Variants in IGSF5 observed in about 807,000 individuals in gnomAD.
IGSF5 encodes immunoglobulin superfamily member 5.
IGSF5 carries 41 observed loss-of-function variants against 39.4 expected under a neutral mutation model. The ratio of observed to expected loss-of-function variants is 1.04; its 90% CI spans 0.81 to 1.35. IGSF5 has a LOEUF of 1.35. Ranked by LOEUF, IGSF5 falls within the 40% of genes most tolerant of loss-of-function variation. The pLI is 0.00. For missense variants in IGSF5, 487 were observed against 494.6 expected (o/e 0.98, Z 0.15); for synonymous variants, 183 against 175.3 (o/e 1.04, Z -0.34).
At chr21:39,746,926 G>T (rs912108066) in intron 2 of IGSF5, among the ~76,000 whole-genome samples, 1 of 152,220 alleles carries the variant, frequency 6.6e-6, no homozygotes, top group Non-Finnish European at 1.5e-5. Flanking sequence ...TCAGGCTGCT[G>T]GTGAGGGTCT....
chr21:39,751,977 G>A (rs1182328917), intron 2 of IGSF5, among the ~76,000 whole-genome samples: 1 of 152,094 alleles, frequency 6.6e-6, no homozygotes, highest in Non-Finnish European at 1.5e-5. Flanking sequence ...TTAGTCCCTT[G>A]CGTGGTTTTT....
At chr21:39,798,291 A>G (rs464201) in intron 8 of IGSF5, among the ~76,000 whole-genome samples, 105,581 of 152,132 alleles carry the variant, frequency 0.69, 38,931 homozygotes, top group Non-Finnish European at 0.81. Flanking sequence ...TTCACCCTGC[A>G]CGATGGGTAC....
intron 7 of IGSF5, 102 bp from the exon 8 acceptor site, chr21:39,793,432 T>G: frequency 1.2e-6 from 1 of 825,700 alleles, no homozygotes; most frequent in South Asian, 1.6e-5. Context: ...ATGCCAGCGG[T>G]ACTACATAAA....
rs566674552 is a variant in IGSF5 at position 39,776,985 on chromosome 21, A to G, written c.719-2105A>G. Among the ~76,000 whole-genome samples, 5 of 152,356 alleles carry G rather than the reference A, an allele frequency of 3.3e-5. No homozygotes were observed. The East Asian group carries it at 9.6e-4, about 29-fold the overall frequency. On this transcript the variant is annotated intron_variant, in intron 4 of 8. Transcript: ENST00000380588. The stretch of plus-strand genomic sequence containing the variant: ...CTTGAGCCTGTGCACTGTAGCTTAC[A>G]GCATTCTCAGAACTTTCACACACAC...
chr21:39,721,292 C>T, the IGSF5 span, among the ~76,000 whole-genome samples: 11 of 152,182 alleles, frequency 7.2e-5, no homozygotes, highest in African/African-American at 2.2e-4. Context: ...ATAATACCCA[C>T]CTCTTATCAT....
chr21:39,745,157 ATCTCTC>A (rs35473597), upstream of IGSF5, among the ~76,000 whole-genome samples: 4 of 145,740 alleles, frequency 2.7e-5, no homozygotes, highest in East Asian at 2.0e-4. Flanking sequence ...CTCTCTCTTC[ATCTCTC>A]TCTCTCTCTC....
the IGSF5 span, chr21:39,727,695 T>C: frequency 6.6e-6 from 1 of 152,196 alleles, no homozygotes; most frequent in African/African-American, 2.4e-5. Context: ...TTGGAGTCAT[T>C]TGGAGATGGT....
At chr21:39,766,670 C>T (rs1274524602) in intron 3 of IGSF5, among the ~76,000 whole-genome samples, 1 of 152,100 alleles carries the variant, frequency 6.6e-6, no homozygotes, top group Non-Finnish European at 1.5e-5. Context: ...GATAATGTTA[C>T]ACAGTAAAAA....
At chr21:39,795,078 C>A (rs2837226) in intron 8 of IGSF5, among the ~76,000 whole-genome samples, 44,136 of 152,070 alleles carry the variant, frequency 0.29, 7,208 homozygotes, top group East Asian at 0.47. Context: ...GGCATAAAGG[C>A]AACTGTGCCT....
the IGSF5 span, among the ~76,000 whole-genome samples, chr21:39,721,708 TTCCTTCCTTC>T: frequency 6.8e-6 from 1 of 148,002 alleles, no homozygotes; most frequent in Non-Finnish European, 1.5e-5. Flanking sequence ...CCTTCCTTCC[TTCCTTCCTTC>T]CTTCCTTCCA....
intron 2 of IGSF5, among the ~76,000 whole-genome samples, chr21:39,749,245 C>G (rs1474554831): frequency 6.7e-6 from 1 of 149,396 alleles, no homozygotes; most frequent in East Asian, 1.9e-4. Context: ...CAGAATCTCG[C>G]CATGTCACCC....
intron 5 of IGSF5, among the ~76,000 whole-genome samples, chr21:39,782,059 A>C (rs908389581): frequency 6.6e-6 from 1 of 152,132 alleles, no homozygotes; most frequent in Non-Finnish European, 1.5e-5. Context: ...ATAACTAAGC[A>C]GTTGTCCCGG....
intron 2 of IGSF5, among the ~76,000 whole-genome samples, chr21:39,752,452 T>G (rs2080010251): frequency 6.6e-6 from 1 of 152,232 alleles, no homozygotes; most frequent in East Asian, 1.9e-4. Flanking sequence ...TTGTTGCAAT[T>G]GCAATTGTGC....
chr21:39,712,752 C>T, the IGSF5 span, among the ~76,000 whole-genome samples: 1 of 152,170 alleles, frequency 6.6e-6, no homozygotes, highest in African/African-American at 2.4e-5. Flanking sequence ...TTTGATGTCT[C>T]TTCCACGGTG....
intron 5 of IGSF5, among the ~76,000 whole-genome samples, chr21:39,782,650 T>C (rs2080177213): frequency 1.3e-5 from 2 of 152,356 alleles, no homozygotes; most frequent in Non-Finnish European, 1.5e-5. Flanking sequence ...TTTTGATATG[T>C]GTGTACAATG....
the IGSF5 span, among the ~76,000 whole-genome samples, chr21:39,738,668 G>A: frequency 6.6e-6 from 1 of 152,044 alleles, no homozygotes; most frequent in Non-Finnish European, 1.5e-5. This position sits in a 1 kb window ranked among gnomAD's most constrained non-coding sequence, Gnocchi z 6.4. Flanking sequence ...AAGGAAAAGG[G>A]GTTTGGGCTT....
intron 5 of IGSF5, among the ~76,000 whole-genome samples, chr21:39,787,413 G>T (rs1480878966): frequency 6.6e-6 from 1 of 152,136 alleles, no homozygotes; most frequent in Non-Finnish European, 1.5e-5. Context: ...GTAAAGCTCG[G>T]TTGTAAAGAT....
chr21:39,779,384 C>T (rs943444701), intron 5 of IGSF5, 79 bp downstream of exon 5: 44 of 1,528,560 alleles, frequency 2.9e-5, no homozygotes, highest in African/African-American at 4.1e-5. Flanking sequence ...AACTCATCAG[C>T]TCTTTCAAAA....
At chr21:39,780,379 A>G (rs2837216) in intron 5 of IGSF5, among the ~76,000 whole-genome samples, 120,230 of 152,110 alleles carry the variant, frequency 0.79, 47,660 homozygotes, top group Admixed American at 0.84. Flanking sequence ...CTCTTGAAAA[A>G]GTGATTGAAG....
Sources: gnomAD v4.1 joint callset for allele counts (sites outside exome capture counted in the v4.1 genomes callset) on GRCh38, gnomAD v4.1.1 for gene constraint, Gnocchi (gnomAD v3.1) non-coding constraint, MANE v1.5 for transcripts, NCBI Gene and HGNC (gene_info 2026-07-23, HGNC 2026-07-21) for gene names.